The following RALGAPA2 variants were observed in gnomAD, a reference collection of about 807,000 sequenced individuals.
The protein encoded by RALGAPA2 is Ral GTPase activating protein catalytic subunit alpha 2.
Under a neutral mutation model 230.4 loss-of-function variants are expected in RALGAPA2, and 139 were observed. The observed-to-expected ratio is 0.60, with a 90% CI of 0.53 to 0.69. The LOEUF is 0.69. Among genes scored for constraint, RALGAPA2 ranks in the 30% least tolerant of loss-of-function variants. The pLI is 0.00. For missense variants in RALGAPA2, 2,163 were observed against 2,276.0 expected (o/e 0.95, Z 1.01); for synonymous variants, 847 against 837.8 (o/e 1.01, Z -0.19).
At position 20,605,165 on chromosome 20, in the gene RALGAPA2, G is replaced by A. The variant is rs2065780738; in HGVS notation, c.2038+10C>T. ...AGACATCTGGTGTTAACCTGGAAGA[G>A]TGGAAATACCTTTGCCTCGTTGCTT... On this transcript the variant is annotated intron_variant, in intron 15 of 39. Transcript: ENST00000202677. The A allele has an allele frequency of 6.3e-7, 1 of 1,580,540 alleles. No individual in the cohort carries two copies. Among genetic ancestry groups the A allele is most frequent in the East Asian group, 2.3e-5 (1 of 44,368 alleles).
chr20:20,503,118 T>G (rs931513464), intron 35 of RALGAPA2, among the ~76,000 whole-genome samples: 33 of 152,176 alleles, frequency 2.2e-4, no homozygotes, highest in Non-Finnish European at 1.3e-4. Context: ...TTTTGTAACC[T>G]TTGACAATCT....
intron 27 of RALGAPA2, among the ~76,000 whole-genome samples, chr20:20,527,441 C>T (rs908142924): frequency 5.3e-5 from 8 of 152,166 alleles, no homozygotes; most frequent in Non-Finnish European, 8.8e-5. Context: ...ATCTCTCAAA[C>T]ACTCTGGCTT....
rs1409735322 is a variant in RALGAPA2, at chr20:20,707,122, C to G, written c.106+5253G>C. On this transcript the variant is annotated intron_variant, in intron 1 of 39. Coordinates refer to ENST00000202677, the MANE Select transcript of RALGAPA2 (RefSeq NM_020343.4). ...GATCCCTTCCCCCTTCCCAATTGTT[C>G]TCACTCTGTAGATGACACTCCTATT... Among the ~76,000 whole-genome samples the G allele has an allele frequency of 3.9e-5, 6 of 152,150 alleles. No individual in the cohort carries two copies. In the East Asian group the frequency reaches 1.2e-3, roughly 29 times the overall value.
At chr20:20,675,520 A>C (rs2068288748) in intron 3 of RALGAPA2, among the ~76,000 whole-genome samples, 1 of 152,108 alleles carries the variant, frequency 6.6e-6, no homozygotes, top group Admixed American at 6.5e-5. Flanking sequence ...AACCACAAAT[A>C]ATTTCTAAAA....
intron 1 of RALGAPA2, among the ~76,000 whole-genome samples, chr20:20,698,080 A>T (rs1353525371): frequency 6.6e-6 from 1 of 152,154 alleles, no homozygotes. Context: ...AAGAAAAGAA[A>T]AAAAAAAGCC....
intron 31 of RALGAPA2, among the ~76,000 whole-genome samples, chr20:20,515,692 G>A (rs995182199): frequency 1.1e-4 from 16 of 152,336 alleles, no homozygotes; most frequent in South Asian, 2.1e-4. Context: ...CATGAACCGA[G>A]GGAAGCCATA....
intron 23 of RALGAPA2, among the ~76,000 whole-genome samples, chr20:20,563,474 T>C (rs1460073436): frequency 6.6e-6 from 1 of 152,200 alleles, no homozygotes; most frequent in Non-Finnish European, 1.5e-5. Flanking sequence ...AAATATGTTC[T>C]CTTAAGTACA....
intron 38 of RALGAPA2, among the ~76,000 whole-genome samples, chr20:20,405,991 A>G (rs758880643): frequency 7.9e-5 from 12 of 152,160 alleles, no homozygotes; most frequent in Non-Finnish European, 1.8e-4. Context: ...AAGAATTTAC[A>G]GTCCATTATG....
intron 23 of RALGAPA2, among the ~76,000 whole-genome samples, chr20:20,557,170 C>T (rs918143822): frequency 1.3e-5 from 2 of 152,014 alleles, no homozygotes; most frequent in Non-Finnish European, 2.9e-5. Flanking sequence ...ATTAGCCGGG[C>T]GTGGTGGTGG....
intron 38 of RALGAPA2, among the ~76,000 whole-genome samples, chr20:20,409,408 G>C (rs896833642): frequency 1.3e-5 from 2 of 152,102 alleles, no homozygotes; most frequent in Non-Finnish European, 2.9e-5. Flanking sequence ...GAAAACCTAG[G>C]AGCCCCTAAT....
At chr20:20,540,554 C>T (rs962884105) in intron 24 of RALGAPA2, among the ~76,000 whole-genome samples, 13 of 152,088 alleles carry the variant, frequency 8.5e-5, no homozygotes, top group African/African-American at 3.1e-4. Context: ...TTTTGTATTT[C>T]ATCCTTTCTG....
chr20:20,532,247 A>G (rs890162356), intron 26 of RALGAPA2, among the ~76,000 whole-genome samples: 4 of 152,260 alleles, frequency 2.6e-5, no homozygotes. Context: ...TTTATTTTAA[A>G]GTATATTTAA....
At chr20:20,636,968 T>C (rs182925665) in intron 8 of RALGAPA2, among the ~76,000 whole-genome samples, 4 of 152,302 alleles carry the variant, frequency 2.6e-5, no homozygotes, top group Non-Finnish European at 4.4e-5. Flanking sequence ...AGGCATACAA[T>C]GGCAGCTGTT....
intron 19 of RALGAPA2, among the ~76,000 whole-genome samples, chr20:20,583,670 C>T (rs2065051916): frequency 6.6e-6 from 1 of 152,138 alleles, no homozygotes; most frequent in Non-Finnish European, 1.5e-5. Context: ...TAGACGTAGA[C>T]CTAGGGTGAC....
intron 33 of RALGAPA2, among the ~76,000 whole-genome samples, chr20:20,510,817 A>G (rs1264893597): frequency 6.6e-6 from 1 of 152,186 alleles, no homozygotes; most frequent in African/African-American, 2.4e-5. Context: ...AACCTTTCCA[A>G]CACTATGAAG....
intron 3 of RALGAPA2, among the ~76,000 whole-genome samples, chr20:20,675,383 C>T (rs2068282029): frequency 6.6e-6 from 1 of 152,130 alleles, no homozygotes; most frequent in Non-Finnish European, 1.5e-5. Context: ...GGAGAACTCT[C>T]CTACTGTAGG....
chr20:20,677,267 GA>G (rs2068361724), intron 2 of RALGAPA2, among the ~76,000 whole-genome samples: 1 of 152,168 alleles, frequency 6.6e-6, no homozygotes, highest in Non-Finnish European at 1.5e-5. Context: ...TTTGACTGGG[GA>G]AGTCAGAGAA....
At chr20:20,646,766 G>A in intron 4 of RALGAPA2, among the ~76,000 whole-genome samples, 1 of 151,828 alleles carries the variant, frequency 6.6e-6, no homozygotes, top group East Asian at 1.9e-4. Context: ...TTTAAAAATT[G>A]CATTTTAAAA....
intron 11 of RALGAPA2, 30 bp from the exon 12 acceptor site, chr20:20,619,444 T>A (rs2066255238): frequency 6.7e-7 from 1 of 1,499,320 alleles, no homozygotes; most frequent in Non-Finnish European, 9.0e-7. Flanking sequence ...ATTAACAGAG[T>A]GGAAGATGCA....
Sources: gnomAD v4.1 joint callset for allele counts (sites outside exome capture counted in the v4.1 genomes callset) on GRCh38, gnomAD v4.1.1 for gene constraint, MANE v1.5 for transcripts, NCBI Gene and HGNC (gene_info 2026-07-23, HGNC 2026-07-21) for gene names.